ANO10: variants seen among roughly 807,000 people sequenced by gnomAD.
The protein encoded by ANO10 is anoctamin-10.
In ANO10, 77 loss-of-function variants were observed where a neutral mutation model predicts 74.7. The ratio of observed to expected loss-of-function variants is 1.03; its 90% CI spans 0.86 to 1.25. The LOEUF (loss-of-function observed/expected upper bound fraction) is 1.25, where lower values mean the gene tolerates loss of function less well. Ranked by LOEUF, ANO10 falls within the 50% of genes most tolerant of loss-of-function variation. ANO10 has a pLI of 0.00. For synonymous variants in ANO10, 279 were observed against 284.9 expected (o/e 0.98, Z 0.21); for missense variants, 721 against 778.1 (o/e 0.93, Z 0.87).
intron 7 of ANO10, among the ~76,000 whole-genome samples, chr3:43,574,208 A>G (rs1290880379): frequency 6.7e-6 from 1 of 150,322 alleles, no homozygotes; most frequent in Non-Finnish European, 1.5e-5. Flanking sequence ...ACCTGCCTCA[A>G]GCTTCCCAAA....
chr3:43,492,573 A>C (rs1223630769), intron 11 of ANO10, among the ~76,000 whole-genome samples: 1 of 152,106 alleles, frequency 6.6e-6, no homozygotes, highest in Non-Finnish European at 1.5e-5. Context: ...GAATCTACAA[A>C]GAACTTAAAT....
At chr3:43,479,538 T>C (rs1174070641) in intron 11 of ANO10, among the ~76,000 whole-genome samples, 2 of 152,096 alleles carry the variant, frequency 1.3e-5, no homozygotes, top group Non-Finnish European at 2.9e-5. Context: ...AGAGAGCTTT[T>C]TGAAAGGAAG....
chr3:43,417,187 C>G (rs912996268), intron 12 of ANO10, among the ~76,000 whole-genome samples: 2 of 152,176 alleles, frequency 1.3e-5, no homozygotes, highest in Admixed American at 6.5e-5. Flanking sequence ...CACAGACAGG[C>G]AAGCTGGGAA....
chr3:43,629,812 C>T (rs2083528591), intron 1 of ANO10, among the ~76,000 whole-genome samples: 1 of 152,128 alleles, frequency 6.6e-6, no homozygotes, highest in Non-Finnish European at 1.5e-5. Flanking sequence ...GTTTGAGATG[C>T]CTTTTGGAAA....
chr3:43,465,405 A>G (rs1449632369), intron 11 of ANO10, among the ~76,000 whole-genome samples: 1 of 152,244 alleles, frequency 6.6e-6, no homozygotes, highest in African/African-American at 2.4e-5. Context: ...CAGCTGTAAC[A>G]CAATGGTAAA....
At chr3:43,543,554 A>T (rs555276550) in intron 11 of ANO10, among the ~76,000 whole-genome samples, 5 of 151,944 alleles carry the variant, frequency 3.3e-5, no homozygotes, top group Non-Finnish European at 7.4e-5. Flanking sequence ...GCGCCCGCTA[A>T]TTTTTTTGTA....
At position 43,576,691 on chromosome 3, in the gene ANO10, C is replaced by A. The variant is rs768148483; in HGVS notation, c.1162+1G>T. Reference sequence around the variant, plus strand: ...CGTGAATATAAAGCCTCAAGTCTTACCCCATGAAGTTAAAAACTCGGCAGC... The same window carrying A: ...CGTGAATATAAAGCCTCAAGTCTTAACCCATGAAGTTAAAAACTCGGCAGC... On this transcript the variant is annotated splice_donor_variant, in intron 6 of 12. Transcript: ENST00000292246. LOFTEE classifies it high-confidence loss of function. The A allele has an allele frequency of 1.2e-6, 2 of 1,613,992 alleles. No homozygotes were observed. Among genetic ancestry groups the A allele is most frequent in the Non-Finnish European group, 8.5e-7 (1 of 1,179,918 alleles).
chr3:43,424,308 C>T (rs557037844), intron 12 of ANO10, among the ~76,000 whole-genome samples: 1 of 152,348 alleles, frequency 6.6e-6, no homozygotes, highest in East Asian at 1.9e-4. Flanking sequence ...CATTCCTAGG[C>T]AAAGGCCGAA....
chr3:43,619,592 G>A (rs1372524003), intron 1 of ANO10, among the ~76,000 whole-genome samples: 1 of 152,020 alleles, frequency 6.6e-6, no homozygotes, highest in Admixed American at 6.6e-5. Flanking sequence ...GCTGAGGCTT[G>A]TAATCCCAGC....
intron 11 of ANO10, among the ~76,000 whole-genome samples, chr3:43,537,141 A>G (rs1247269828): frequency 1.3e-5 from 2 of 152,190 alleles, no homozygotes; most frequent in Non-Finnish European, 2.9e-5. Context: ...AAGAGAAGAC[A>G]ATGCCAAGAG....
intron 4 of ANO10, among the ~76,000 whole-genome samples, chr3:43,590,056 A>G (rs1415455679): frequency 1.3e-5 from 2 of 152,196 alleles, no homozygotes; most frequent in African/African-American, 4.8e-5. Flanking sequence ...GTACTATTTG[A>G]ATTTTCATCA....
At chr3:43,494,721 A>G (rs1046401653) in intron 11 of ANO10, among the ~76,000 whole-genome samples, 4 of 152,148 alleles carry the variant, frequency 2.6e-5, no homozygotes, top group East Asian at 1.9e-4. Flanking sequence ...AAAAACAAGG[A>G]AAGTACAGAG....
At chr3:43,632,217 C>T (rs995884270) in intron 1 of ANO10, among the ~76,000 whole-genome samples, 15 of 152,228 alleles carry the variant, frequency 9.9e-5, no homozygotes, top group Non-Finnish European at 1.5e-4. Flanking sequence ...ACCCTCTACC[C>T]TTCTCCACCC....
At chr3:43,651,541 C>T (rs1269309017) in intron 1 of ANO10, among the ~76,000 whole-genome samples, 1 of 152,046 alleles carries the variant, frequency 6.6e-6, no homozygotes, top group Non-Finnish European at 1.5e-5. Context: ...CACAGAGATG[C>T]CATGGGGGTT....
At chr3:43,412,151 C>T (rs2092675849) in intron 12 of ANO10, among the ~76,000 whole-genome samples, 1 of 151,292 alleles carries the variant, frequency 6.6e-6, no homozygotes. Context: ...AAATAAGATT[C>T]CTGAAGCTAG....
intron 12 of ANO10, among the ~76,000 whole-genome samples, chr3:43,428,699 A>T (rs770272756): frequency 2.0e-4 from 29 of 143,832 alleles, no homozygotes; most frequent in Admixed American, 6.0e-4. Flanking sequence ...GAGACATAAC[A>T]TATTTTAGAT....
At chr3:43,453,064 G>C (rs999053714) in intron 11 of ANO10, among the ~76,000 whole-genome samples, 4 of 151,992 alleles carry the variant, frequency 2.6e-5, no homozygotes, top group African/African-American at 9.7e-5. Context: ...AATTATTCTA[G>C]ATACAAGTTC....
chr3:43,492,434 A>T (rs1187162341), intron 11 of ANO10, among the ~76,000 whole-genome samples: 1 of 152,246 alleles, frequency 6.6e-6, no homozygotes, highest in Non-Finnish European at 1.5e-5. Flanking sequence ...GCCAAAATTG[A>T]CAAATGGGAT....
chr3:43,389,128 G>C (rs2092209206), intron 12 of ANO10, among the ~76,000 whole-genome samples: 1 of 152,228 alleles, frequency 6.6e-6, no homozygotes, highest in Admixed American at 6.5e-5. Context: ...CAAAAGTTGT[G>C]AAATCTAGAG....
Sources: allele counts gnomAD v4.1 joint callset (sites outside exome capture counted in the v4.1 genomes callset), GRCh38; gene constraint gnomAD v4.1.1; transcripts MANE v1.5; gene names NCBI Gene and HGNC (gene_info 2026-07-23, HGNC 2026-07-21).